The following COL4A2 variants were observed in gnomAD, a reference collection of about 807,000 sequenced individuals.
COL4A2 encodes collagen alpha-2(IV) chain.
Under a neutral mutation model 200.2 loss-of-function variants are expected in COL4A2, and 99 were observed. The observed-to-expected ratio is 0.49, with a 90% CI of 0.42 to 0.58. The LOEUF (loss-of-function observed/expected upper bound fraction) is 0.58. Ranked by LOEUF, COL4A2 falls within the 20% of genes least tolerant of loss-of-function variation. The pLI is 0.00. For missense variants in COL4A2, 1,950 were observed against 2,314.1 expected, an observed-to-expected ratio of 0.84 and a Z score of 3.23; for synonymous variants, 897 against 900.6, an observed-to-expected ratio of 1.00 and a Z score of 0.07.
chr13:110,430,649 C>T (rs537477351), intron 10 of COL4A2, 42 bp downstream of exon 10: 37 of 1,613,428 alleles, frequency 2.3e-5, no homozygotes, highest in African/African-American at 4.0e-5. Flanking sequence ...GACCATCGTC[C>T]GGTCATCCCT....
chr13:110,310,349 C>G (rs374758798), intron 3 of COL4A2, among the ~76,000 whole-genome samples: 16 of 152,200 alleles, frequency 1.1e-4, no homozygotes, highest in Non-Finnish European at 4.4e-5. Context: ...TCCGGGACTC[C>G]GCCTCCCCAC....
chr13:110,441,962 T>G (rs1229918572), intron 16 of COL4A2, among the ~76,000 whole-genome samples: 1 of 151,414 alleles, frequency 6.6e-6, no homozygotes, highest in Non-Finnish European at 1.5e-5. Context: ...GGTTCATGCC[T>G]ATAATTCCAG....
rs1395010844 is a variant in COL4A2, at chr13:110,308,137, C to T, written c.99+14C>T. On this transcript the variant is annotated intron_variant, in intron 3 of 47. Transcript: ENST00000360467. ...AGCGTCTTGGCGGTAAGTCCTGGCT[C>T]CCGCGCTTGGACTTGCGCGCCCGAG... 1.2e-6 allele frequency: 2 copies of T among 1,613,272 alleles called. No individual in the cohort carries two copies. Among genetic ancestry groups the T allele is most frequent in the Non-Finnish European group, 1.7e-6 (2 of 1,179,888 alleles).
At chr13:110,442,560 C>T (rs921116888) in intron 16 of COL4A2, among the ~76,000 whole-genome samples, 2 of 152,266 alleles carry the variant, frequency 1.3e-5, no homozygotes, top group Admixed American at 1.3e-4. Context: ...ATGGGAGGAA[C>T]CAGAAAAGAA....
At chr13:110,511,768 A>G (rs1427388357) in intron 47 of COL4A2, among the ~76,000 whole-genome samples, 166 bp from the exon 48 acceptor site, 4 of 152,242 alleles carry the variant, frequency 2.6e-5, no homozygotes, top group African/African-American at 9.6e-5. Flanking sequence ...GTATTTCACC[A>G]GCCCCCTCTT....
At chr13:110,483,900 G>A (rs867857089) in intron 32 of COL4A2, among the ~76,000 whole-genome samples, 4 of 152,174 alleles carry the variant, frequency 2.6e-5, no homozygotes. Context: ...TTACTGGAGC[G>A]AGTTGTAGGG....
intron 4 of COL4A2, among the ~76,000 whole-genome samples, chr13:110,397,042 T>C (rs1879204927): frequency 6.6e-6 from 1 of 152,232 alleles, no homozygotes; most frequent in Non-Finnish European, 1.5e-5. Context: ...ATTCACAGCC[T>C]GCTACCATCC....
chr13:110,503,868 C>A lies in COL4A2; in HGVS notation c.4160C>A (p.Ala1387Asp), dbSNP rs749680471. The change falls in exon 44 of 48, where the codon GCC (alanine) becomes GAC (aspartate). Residue 1387 changes from alanine (A) to aspartate (D), a missense_variant. Transcript: ENST00000360467. ...GFPGAPGTVG[A>D]PGIAGIPQKI... The stretch of plus-strand genomic sequence containing the variant: ...CCAGGTGCCCCCGGGACTGTGGGAG[C>A]CCCCGGGATTGCAGGAATCCCCCAG... 5.6e-6 allele frequency: 9 copies of A among 1,613,202 alleles called. No homozygotes were observed. Among genetic ancestry groups the A allele is most frequent in the Non-Finnish European group, 7.6e-6 (9 of 1,179,554 alleles).
rs112809182 is a variant in COL4A2, at chr13:110,481,708, T to C, written c.2759-808T>C. ...TTGCTGGAGACACACTGTTCTGTCC[T>C]TCCATTGCTGGAGACACACTGTTCT... On this transcript the variant is annotated intron_variant, in intron 31 of 47. Transcript: ENST00000360467. Among the ~76,000 whole-genome samples, 164 of 17,052 alleles carry C rather than the reference T, an allele frequency of 9.6e-3. 8 individuals are homozygous for C. Among genetic ancestry groups the C allele is most frequent in the South Asian group, 0.039 (15 of 388 alleles). The allele number at this position is 17,052 out of a possible 152,430, so 11.2% of individuals were successfully genotyped here. A position where few individuals can be genotyped will look rare whatever the true frequency, so the allele number is the denominator to read the frequency against.
chr13:110,492,254 C>A, intron 38 of COL4A2, 77 bp downstream of exon 38: 2 of 1,323,596 alleles, frequency 1.5e-6, no homozygotes, highest in Non-Finnish European at 2.1e-6. Context: ...AGCAGGCCAG[C>A]CTCTCTCAGG....
intron 39 of COL4A2, among the ~76,000 whole-genome samples, 189 bp downstream of exon 39, chr13:110,493,471 G>A (rs1271338606): frequency 2.0e-5 from 3 of 152,198 alleles, no homozygotes; most frequent in African/African-American, 7.2e-5. Context: ...GCTAAGATGT[G>A]ATCCCTAAGA....
intron 4 of COL4A2, among the ~76,000 whole-genome samples, chr13:110,360,080 A>T (rs145556872): frequency 6.6e-6 from 1 of 152,340 alleles, no homozygotes; most frequent in South Asian, 2.1e-4. Flanking sequence ...GGATTTTCCC[A>T]ACGACACTTC....
chr13:110,465,075 A>G (rs1202534362), intron 24 of COL4A2, among the ~76,000 whole-genome samples: 1 of 152,380 alleles, frequency 6.6e-6, no homozygotes, highest in East Asian at 1.9e-4. Flanking sequence ...CTCCACCCAC[A>G]GTAGAACACA....
At position 110,465,467 on chromosome 13, in the gene COL4A2, T is replaced by C. The variant is rs780024831; in HGVS notation, c.1839T>C (p.Gly613=). 1 of 1,613,924 alleles carries C rather than the reference T, an allele frequency of 6.2e-7. No homozygotes were observed. The highest frequency in any genetic ancestry group is 8.5e-7 in the Non-Finnish European group (1 of 1,179,992). ...ATCCAGGAATACCTGGAACGAAGGGTACTCCAGGAGAAATGGGCCCCCCAG... is the reference window on the plus strand; with the variant it reads ...ATCCAGGAATACCTGGAACGAAGGGCACTCCAGGAGAAATGGGCCCCCCAG... ...PGYPGIPGTK[G]TPGEMGPPGL... is the part of the protein sequence containing the mutation. The change falls in exon 25 of 48, where the codon GGT becomes GGC. Residue 613 remains glycine, a synonymous_variant. Coordinates refer to ENST00000360467, the MANE Select transcript of COL4A2 (RefSeq NM_001846.4).
chr13:110,366,051 G>A (rs999376327), intron 4 of COL4A2, among the ~76,000 whole-genome samples: 3 of 152,150 alleles, frequency 2.0e-5, no homozygotes, highest in Admixed American at 6.5e-5. Context: ...GCTGACTTTC[G>A]AAATCCTTTT....
chr13:110,485,548 A>AT lies in COL4A2; in HGVS notation c.3026-105dup, dbSNP rs1827089946. ...AAAAAAAAAAAAAAAAAAAAAAAAGATTCACAGCACGTAGGACAGCAAAAT... is the reference window on the plus strand; with the variant it reads ...AAAAAAAAAAAAAAAAAAAAAAAAGATTTCACAGCACGTAGGACAGCAAAAT... On this transcript the variant is annotated intron_variant, in intron 33 of 47. Coordinates refer to ENST00000360467, the MANE Select transcript of COL4A2 (RefSeq NM_001846.4). 10 of 560,156 alleles carry AT rather than the reference A, an allele frequency of 1.8e-5. No homozygotes were observed. The South Asian group carries it at 2.8e-4, about 16-fold the overall frequency. The allele number at this position is 560,156 out of a possible 1,614,324, so 34.7% of individuals were successfully genotyped here. A position where few individuals can be genotyped will look rare whatever the true frequency, so the allele number is the denominator to read the frequency against.
chr13:110,363,269 G>A (rs1877593978), intron 4 of COL4A2, among the ~76,000 whole-genome samples: 1 of 152,202 alleles, frequency 6.6e-6, no homozygotes, highest in Non-Finnish European at 1.5e-5. Context: ...CTGGAAGGTT[G>A]CGATTGACAA....
intron 31 of COL4A2, among the ~76,000 whole-genome samples, chr13:110,481,569 G>A (rs1325176082): frequency 2.1e-5 from 3 of 143,700 alleles, no homozygotes; most frequent in African/African-American, 8.4e-5. Context: ...TCCATTGCTG[G>A]AGACACACTG....
At chr13:110,453,425 C>T (rs572180155) in intron 20 of COL4A2, among the ~76,000 whole-genome samples, 8 of 151,986 alleles carry the variant, frequency 5.3e-5, no homozygotes, top group Non-Finnish European at 7.4e-5. Context: ...CACTTGAATC[C>T]GGGAGGCGGA....
Sources: gnomAD v4.1 joint callset for allele counts (sites outside exome capture counted in the v4.1 genomes callset) on GRCh38, gnomAD v4.1.1 for gene constraint, MANE v1.5 for transcripts, NCBI Gene and HGNC (gene_info 2026-07-23, HGNC 2026-07-21) for gene names.